The following CCSER2 variants were observed in gnomAD, a reference collection of about 807,000 sequenced individuals.
CCSER2 encodes the protein coiled-coil serine rich protein 2.
In CCSER2, 46 loss-of-function variants were observed where a neutral mutation model predicts 92.3. The observed-to-expected ratio is 0.50, with a 90% CI of 0.39 to 0.64. The LOEUF (loss-of-function observed/expected upper bound fraction) is 0.64. CCSER2 is among the 30% of genes least tolerant of loss of function. The pLI, the probability that CCSER2 is intolerant of heterozygous loss-of-function variation, is 0.00. For synonymous variants in CCSER2, 433 were observed against 431.4 expected, an observed-to-expected ratio of 1.00 and a Z score of -0.04; for missense variants, 1,244 against 1,238.9, an observed-to-expected ratio of 1.00 and a Z score of -0.06.
At chr10:84,341,352 T>TC (rs2133015284) in intron 1 of CCSER2, among the ~76,000 whole-genome samples, 1 of 147,010 alleles carries the variant, frequency 6.8e-6, no homozygotes, top group East Asian at 1.9e-4. Flanking sequence ...TCTTTTTTTT[T>TC]TTTTTTTTTT....
At chr10:84,448,505 A>G (rs796184295) in intron 6 of CCSER2, among the ~76,000 whole-genome samples, 29 of 152,134 alleles carry the variant, frequency 1.9e-4, no homozygotes, top group African/African-American at 5.8e-4. Context: ...GTGGAAACCT[A>G]TTTTGCTCTG....
chr10:84,489,647 T>A (rs930179240), intron 9 of CCSER2, among the ~76,000 whole-genome samples: 2 of 152,230 alleles, frequency 1.3e-5, no homozygotes, highest in Non-Finnish European at 2.9e-5. Context: ...GCACATGAGA[T>A]CGGTCTCCTG....
At chr10:84,383,011 T>G (rs780750261) in intron 3 of CCSER2, among the ~76,000 whole-genome samples, 5 of 152,234 alleles carry the variant, frequency 3.3e-5, no homozygotes, top group Non-Finnish European at 5.9e-5. Context: ...CTGATACAGC[T>G]AGACTTTATT....
intron 3 of CCSER2, among the ~76,000 whole-genome samples, chr10:84,383,531 C>T (rs1841028588): frequency 6.6e-6 from 1 of 151,954 alleles, no homozygotes; most frequent in African/African-American, 2.4e-5. Flanking sequence ...AGGATGGTCT[C>T]GATCTCCTGA....
At chr10:84,476,686 G>A (rs564227142) in intron 8 of CCSER2, among the ~76,000 whole-genome samples, 8 of 151,974 alleles carry the variant, frequency 5.3e-5, no homozygotes, top group South Asian at 4.2e-4. Context: ...CTCGTGATCC[G>A]CCCGCCTCGG....
chr10:84,489,121 T>C (rs1372035528), intron 9 of CCSER2, among the ~76,000 whole-genome samples: 4 of 152,244 alleles, frequency 2.6e-5, no homozygotes, highest in Admixed American at 6.5e-5. Context: ...TTATAGTTTC[T>C]GTTCTTTTAC....
intron 8 of CCSER2, among the ~76,000 whole-genome samples, chr10:84,477,330 T>C (rs1847207892): frequency 6.6e-6 from 1 of 152,206 alleles, no homozygotes; most frequent in African/African-American, 2.4e-5. Flanking sequence ...TTGGCTGTGA[T>C]AACATTTTTT....
At chr10:84,339,843 AT>A (rs1308851930) in intron 1 of CCSER2, among the ~76,000 whole-genome samples, 1 of 139,950 alleles carries the variant, frequency 7.1e-6, no homozygotes, top group Non-Finnish European at 1.6e-5. Flanking sequence ...TATCTTTTTT[AT>A]TTTTTTATTT....
rs540027341 is a variant in CCSER2 at position 84,389,321 on chromosome 10, C to T, written c.1614+15506C>T. ...GGCTAAAGATCAGTGCCACATCTGT[C>T]GAGCAATGTTGACAATCTCATCAAA... On this transcript the variant is annotated intron_variant, in intron 3 of 9. Coordinates refer to ENST00000372088, the MANE Select transcript of CCSER2 (RefSeq NM_001284240.2). 1.4e-4 allele frequency: 75 copies of T among 522,870 alleles called. No homozygotes were observed. The East Asian group carries it at 2.3e-3, about 16-fold the overall frequency. 32.4% of individuals were successfully genotyped at this position (522,870 alleles called of 1,614,324 possible). A position where few individuals can be genotyped will look rare whatever the true frequency, so the allele number is the denominator to read the frequency against.
At chr10:84,491,054 G>A (rs929373116) in intron 9 of CCSER2, among the ~76,000 whole-genome samples, 55 of 152,208 alleles carry the variant, frequency 3.6e-4, no homozygotes, top group African/African-American at 1.2e-3. Flanking sequence ...GCAGAACAGC[G>A]AATATTGCTG....
intron 6 of CCSER2, among the ~76,000 whole-genome samples, chr10:84,449,804 G>C (rs891994531): frequency 2.0e-5 from 3 of 151,028 alleles, no homozygotes; most frequent in Admixed American, 6.6e-5. Context: ...CTGAGATCGC[G>C]CCATTGCACT....
At chr10:84,350,301 A>G (rs1844789437) in intron 1 of CCSER2, among the ~76,000 whole-genome samples, 1 of 152,050 alleles carries the variant, frequency 6.6e-6, no homozygotes, top group African/African-American at 2.4e-5. Flanking sequence ...GAGAGGCCTT[A>G]CTTGATGCCC....
chr10:84,471,154 GAAA>G (rs947634266), intron 8 of CCSER2, among the ~76,000 whole-genome samples: 6 of 152,170 alleles, frequency 3.9e-5, no homozygotes, highest in African/African-American at 1.4e-4. Context: ...TAATCTCACT[GAAA>G]ATATAAAGGA....
rs544868875 is a variant in CCSER2, at chr10:84,512,241, A to G, written c.2326-1208A>G. On this transcript the variant is annotated intron_variant, in intron 9 of 9. Transcript: ENST00000372088. The stretch of plus-strand genomic sequence containing the variant: ...CCCTTCTATTGGGGAAATTAGAGCT[A>G]CTATGTAGATTTATTTGTGGATTAG... Among the ~76,000 whole-genome samples, 5 of 152,342 alleles carry G rather than the reference A, an allele frequency of 3.3e-5. No homozygotes were observed. In the South Asian group the frequency reaches 1.0e-3, roughly 32 times the overall value.
chr10:84,464,126 G>A (rs188066015), intron 7 of CCSER2, 110 bp downstream of exon 7: 1 of 565,952 alleles, frequency 1.8e-6, no homozygotes, highest in Non-Finnish European at 3.0e-6. Context: ...AAAGCATCAG[G>A]TTTGTTCTTA....
chr10:84,482,766 CTACCTGACCTGTCATGTAAT>C (rs1847530101), intron 9 of CCSER2, among the ~76,000 whole-genome samples: 1 of 152,148 alleles, frequency 6.6e-6, no homozygotes, highest in Admixed American at 6.5e-5. Context: ...CCCAAAGGAT[CTACCTGACCTGTCATGTAAT>C]TACCTGACCT....
intron 6 of CCSER2, among the ~76,000 whole-genome samples, chr10:84,447,720 T>C (rs192598854): frequency 6.6e-6 from 1 of 152,328 alleles, no homozygotes; most frequent in East Asian, 1.9e-4. Context: ...GCATTTAAAG[T>C]ATGAGGTAGA....
Position 84,514,189 on chromosome 10 carries a change from T to A in CCSER2, c.3066T>A (p.Asn1022Lys). ...CACAACGAAAAGAAATCATGCAGAA[T>A]CCAAATGGCAATTTGCATTCTGGGG... The part of the protein sequence containing the change: ...PLTQRKEIMQ[N>K]PNGNLHSGDC... Residue 1022 changes from asparagine to lysine, a missense_variant, in exon 10 of 10, where the codon AAT (asparagine) becomes AAA (lysine). Physicochemically the swap from Asn to Lys is moderately conservative, Grantham distance 94 (BLOSUM62 0). Transcript: ENST00000372088. The A allele has an allele frequency of 4.6e-6, 7 of 1,536,428 alleles. No homozygotes were observed. The highest frequency in any genetic ancestry group is 6.1e-6 in the Non-Finnish European group (7 of 1,146,984).
intron 6 of CCSER2, among the ~76,000 whole-genome samples, chr10:84,447,992 A>G (rs1845033651): frequency 2.6e-5 from 4 of 152,038 alleles, no homozygotes; most frequent in Admixed American, 2.6e-4. Context: ...CTGAATCCTT[A>G]TGCATGGCTG....
Sources: allele counts gnomAD v4.1 joint callset (sites outside exome capture counted in the v4.1 genomes callset), GRCh38; gene constraint gnomAD v4.1.1; transcripts MANE v1.5; gene names NCBI Gene and HGNC (gene_info 2026-07-23, HGNC 2026-07-21).